GTF3C1: variants seen among roughly 807,000 people sequenced by gnomAD.
GTF3C1 encodes general transcription factor 3C polypeptide 1.
A neutral mutation model predicts 226.7 loss-of-function variants in GTF3C1; 57 were observed. The ratio of observed to expected loss-of-function variants is 0.25; its 90% CI spans 0.20 to 0.31. The LOEUF (loss-of-function observed/expected upper bound fraction) is 0.31, where lower values mean the gene tolerates loss of function less well. GTF3C1 is among the 10% of genes least tolerant of loss of function. The pLI, the probability that GTF3C1 is intolerant of heterozygous loss-of-function variation, is 1.00. For synonymous variants in GTF3C1, 1,090 were observed against 1,084.8 expected (o/e 1.00, Z -0.09); for missense variants, 2,217 against 2,776.1 (o/e 0.80, Z 4.53).
chr16:27,480,359 G>C (rs1474322945), intron 27 of GTF3C1, among the ~76,000 whole-genome samples: 1 of 152,174 alleles, frequency 6.6e-6, no homozygotes, highest in South Asian at 2.1e-4. Context: ...ACAAAACCCA[G>C]AATGTGGGCA....
chr16:27,540,495 T>C (rs1448295319), intron 2 of GTF3C1, among the ~76,000 whole-genome samples: 4 of 152,206 alleles, frequency 2.6e-5, no homozygotes, highest in Admixed American at 2.0e-4. Flanking sequence ...ATGATCCCAA[T>C]GTTTCTGTTA....
chr16:27,546,564 C>G (rs1012494209), intron 1 of GTF3C1, among the ~76,000 whole-genome samples: 1 of 147,658 alleles, frequency 6.8e-6, no homozygotes, highest in African/African-American at 2.5e-5. Context: ...TGGTCTTGAA[C>G]TACCGGGCTC....
At position 27,492,783 on chromosome 16, in the gene GTF3C1, G is replaced by A. The variant is rs1228980623; in HGVS notation, c.2877-70C>T. 3 of 863,018 alleles carry A rather than the reference G, an allele frequency of 3.5e-6. No individual in the cohort carries two copies. Among genetic ancestry groups the A allele is most frequent in the Admixed American group, 1.7e-5 (1 of 57,144 alleles). The allele number at this position is 863,018 out of a possible 1,614,324, so 53.5% of individuals were successfully genotyped here. Reference sequence around the variant, plus strand: ...CAGCCGGCCGCAGGGGTCTGCATGTGGGGTGAGGGGTGCGACTTCCTTCTT... The same window carrying A: ...CAGCCGGCCGCAGGGGTCTGCATGTAGGGTGAGGGGTGCGACTTCCTTCTT... On this transcript the variant is annotated intron_variant, in intron 17 of 36. Coordinates refer to ENST00000356183, the MANE Select transcript of GTF3C1 (RefSeq NM_001520.4). The surrounding 1 kb of genome is among the most constrained non-coding windows in gnomAD (Gnocchi z 5.0).
In GTF3C1 at chr16:27,464,385, C is replaced by T; in HGVS notation, c.5807G>A (p.Ser1936Asn). The T allele has an allele frequency of 1.9e-6, 3 of 1,591,154 alleles. No homozygotes were observed. Among genetic ancestry groups the T allele is most frequent in the Non-Finnish European group, 2.6e-6 (3 of 1,169,528 alleles). The stretch of plus-strand genomic sequence containing the variant: ...GCTCAGCTGCTCTTGGCCTGGGGAA[C>T]TGAACTCACCGACACCCTCTTGGTC... ...QEDQEGVGEF[S>N]SPGQEQLSGQ... The change falls in exon 34 of 37, where the codon AGT becomes AAT. Residue 1936 changes from serine to asparagine, a missense_variant. Physicochemically the swap from Ser to Asn is conservative, Grantham distance 46. Coordinates refer to ENST00000356183, the MANE Select transcript of GTF3C1 (RefSeq NM_001520.4).
At chr16:27,506,609 T>C (rs182891743) in intron 9 of GTF3C1, among the ~76,000 whole-genome samples, 19 of 152,260 alleles carry the variant, frequency 1.2e-4, no homozygotes, top group African/African-American at 4.6e-4. Flanking sequence ...CATCCTTTAA[T>C]AGTAAAAACA....
chr16:27,501,270 C>A lies in GTF3C1; in HGVS notation c.1982G>T (p.Arg661Leu). The A allele has an allele frequency of 6.2e-7, 1 of 1,613,860 alleles. No homozygotes were observed. Among genetic ancestry groups the A allele is most frequent in the Non-Finnish European group, 8.5e-7 (1 of 1,179,728 alleles). Reference sequence around the variant, plus strand: ...TTCCTCAGACAGGTTCCGCACCAAGCGGACAATGGACTTCTTGCAGCACTT... The same window carrying A: ...TTCCTCAGACAGGTTCCGCACCAAGAGGACAATGGACTTCTTGCAGCACTT... ...STKCCKKSIV[R>L]LVRNLSEEGL... is the part of the protein sequence containing the mutation. Residue 661 changes from arginine (R) to leucine (L), a missense_variant, in exon 12 of 37, where the codon CGC becomes CTC. Arg to Leu is a moderately radical substitution (Grantham distance 102, BLOSUM62 -2). Coordinates refer to ENST00000356183, the MANE Select transcript of GTF3C1 (RefSeq NM_001520.4).
chr16:27,502,717 C>T (rs1021792255), intron 11 of GTF3C1, 142 bp downstream of exon 11: 12 of 840,010 alleles, frequency 1.4e-5, no homozygotes, highest in Admixed American at 2.4e-5. Context: ...TCCTCCCTAC[C>T]GCAAAGGAAC....
In GTF3C1 at chr16:27,540,551, T is replaced by C. The variant is rs544359605; in HGVS notation, c.432-2195A>G. On this transcript the variant is annotated intron_variant, in intron 2 of 36. Coordinates refer to ENST00000356183, the MANE Select transcript of GTF3C1 (RefSeq NM_001520.4). ...TCAATAACTCCGGCTAGTTTTAATT[T>C]GCTGACTATGGTCATCTTATAGGTT... is the stretch of plus-strand genomic sequence containing the variant. Among the ~76,000 whole-genome samples the C allele has an allele frequency of 2.0e-5, 3 of 152,364 alleles. 1 individual carries two copies. The highest frequency in any genetic ancestry group is 7.2e-5 in the African/African-American group (3 of 41,584).
chr16:27,531,544 G>A (rs2088917616), intron 5 of GTF3C1, among the ~76,000 whole-genome samples: 2 of 152,218 alleles, frequency 1.3e-5, no homozygotes, highest in Admixed American at 1.3e-4. Flanking sequence ...ACAGCTCCAC[G>A]ACAGTGTGAG....
intron 5 of GTF3C1, among the ~76,000 whole-genome samples, chr16:27,531,129 C>T (rs373775406): frequency 1.3e-5 from 2 of 152,144 alleles, no homozygotes; most frequent in African/African-American, 2.4e-5. Context: ...GTGCATACCA[C>T]CACCCCTGGC....
Position 27,507,070 on chromosome 16 carries a change from G to A in GTF3C1, c.1329C>T (p.Tyr443=), listed in dbSNP as rs2088497012. 1.9e-6 allele frequency: 3 copies of A among 1,613,630 alleles called. No individual in the cohort carries two copies. The highest frequency in any genetic ancestry group is 1.7e-5 in the Admixed American group (1 of 60,000). Residue 443 remains tyrosine, a synonymous_variant, in exon 9 of 37, where the codon TAC becomes TAT. Coordinates refer to ENST00000356183, the MANE Select transcript of GTF3C1 (RefSeq NM_001520.4). This position sits in a 1 kb window ranked among gnomAD's most constrained non-coding sequence, Gnocchi z 4.9. ...GCTCGCTGCGGGCCTTCTCTCTTTG[G>A]TACTGCCGGCTTAGGTCGCTCTCCT... The part of the protein sequence containing the change: ...FAEESDLSRQ[Y]QREKARSELL...
intron 24 of GTF3C1, among the ~76,000 whole-genome samples, chr16:27,484,957 T>C (rs115853731): frequency 0.012 from 1,766 of 152,310 alleles, 47 homozygotes; most frequent in African/African-American, 0.04. Context: ...TGCAGGACCC[T>C]CCTGCCTCCT....
In GTF3C1 at chr16:27,494,504, C is replaced by T. The variant is rs183677221; in HGVS notation, c.2778+259G>A. Among the ~76,000 whole-genome samples, 369 of 152,106 alleles carry T rather than the reference C, an allele frequency of 2.4e-3. 2 individuals carry two copies. The highest frequency in any genetic ancestry group is 0.014 in the Middle Eastern group (4 of 294). ...CTACCAATAGATCCATTTAGAAGAG[C>T]GAGTCTTTAAAGTATTTACCCGCCA... On this transcript the variant is annotated intron_variant, in intron 16 of 36. Transcript: ENST00000356183.
intron 14 of GTF3C1, among the ~76,000 whole-genome samples, chr16:27,495,956 G>T (rs2088309595): frequency 6.6e-6 from 1 of 152,240 alleles, no homozygotes; most frequent in Non-Finnish European, 1.5e-5. Context: ...CAACAAGGAG[G>T]GTGGGAAGGC....
rs2141357497 is a variant in GTF3C1, at chr16:27,476,544, G to A, written c.4260C>T (p.Ser1420=). The A allele has an allele frequency of 2.5e-6, 4 of 1,587,974 alleles. No individual in the cohort carries two copies. The highest frequency in any genetic ancestry group is 2.2e-5 in the East Asian group (1 of 44,742). ...DQTRKEDELN[S]VDDIHFLVLQ... ...GCACCAGAAAGTGGATGTCATCCACGCTGAAAGAGAGGGGGCAGCAGGGCA... is the reference window on the plus strand; with the variant it reads ...GCACCAGAAAGTGGATGTCATCCACACTGAAAGAGAGGGGGCAGCAGGGCA... The change falls in exon 29 of 37, where the codon AGC becomes AGT. Residue 1420 remains serine (S), a splice_region_variant and synonymous_variant. Transcript: ENST00000356183.
rs773848396 is a variant in GTF3C1 at position 27,489,625 on chromosome 16, C to T, written c.3270G>A (p.Lys1090=). ...SAMDKHNLER[K]CAMLEYTTGS... ...ACGTGGTGTACTCCAGCATGGCGCACTTGCGCTCCAGGTTGTGCTTGTCCA... is the reference window on the plus strand; with the variant it reads ...ACGTGGTGTACTCCAGCATGGCGCATTTGCGCTCCAGGTTGTGCTTGTCCA... The change falls in exon 20 of 37, where the codon AAG becomes AAA. Residue 1090 remains lysine, a synonymous_variant. Coordinates refer to ENST00000356183, the MANE Select transcript of GTF3C1 (RefSeq NM_001520.4). 1.9e-6 allele frequency: 3 copies of T among 1,610,610 alleles called. No individual in the cohort carries two copies. Among genetic ancestry groups the T allele is most frequent in the Non-Finnish European group, 2.5e-6 (3 of 1,179,422 alleles).
At chr16:27,475,519 G>GA (rs1192986345) in intron 29 of GTF3C1, among the ~76,000 whole-genome samples, 1 of 152,142 alleles carries the variant, frequency 6.6e-6, no homozygotes, top group African/African-American at 2.4e-5. Context: ...GGGCAGCACT[G>GA]GCAGGGGACC....
intron 12 of GTF3C1, among the ~76,000 whole-genome samples, chr16:27,499,020 C>T (rs1234584568): frequency 1.3e-5 from 2 of 152,168 alleles, no homozygotes; most frequent in Non-Finnish European, 2.9e-5. Context: ...CTGCAAGTCC[C>T]TTACTGGGCC....
At chr16:27,521,692 A>G (rs553903772) in intron 6 of GTF3C1, among the ~76,000 whole-genome samples, 6 of 152,380 alleles carry the variant, frequency 3.9e-5, no homozygotes, top group South Asian at 2.1e-4. Flanking sequence ...AGCTTCTGCC[A>G]TATTAACATG....
Sources: gnomAD v4.1 joint callset for allele counts (sites outside exome capture counted in the v4.1 genomes callset) on GRCh38, gnomAD v4.1.1 for gene constraint, Gnocchi (gnomAD v3.1) non-coding constraint, MANE v1.5 for transcripts, NCBI Gene and HGNC (gene_info 2026-07-23, HGNC 2026-07-21) for gene names.